Variants in CASP8 observed in about 807,000 individuals in gnomAD.
The protein encoded by CASP8 is caspase-8.
A neutral mutation model predicts 46.3 loss-of-function variants in CASP8; 24 were observed. The observed-to-expected ratio is 0.52, with a 90% CI of 0.38 to 0.73. CASP8 has a LOEUF of 0.73. CASP8 is among the 30% of genes least tolerant of loss of function. The pLI, the probability that CASP8 is intolerant of heterozygous loss-of-function variation, is 0.00. For synonymous variants in CASP8, 188 were observed against 200.4 expected, an observed-to-expected ratio of 0.94 and a Z score of 0.52; for missense variants, 460 against 559.0, an observed-to-expected ratio of 0.82 and a Z score of 1.79.
At chr2:201,274,777 T>G in intron 5 of CASP8, 112 bp from the exon 6 acceptor site, 28 of 879,892 alleles carry the variant, frequency 3.2e-5, no homozygotes, top group Non-Finnish European at 5.0e-5. Flanking sequence ...GTTCCCAGCT[T>G]GAATTTTCAT....
At position 201,285,132 on chromosome 2, in the gene CASP8, T is replaced by C. The variant is rs1426964048; in HGVS notation, c.1119T>C (p.Thr373=). The change falls in exon 8 of 9, where the codon ACT becomes ACC. Residue 373 remains threonine (T), a synonymous_variant. Transcript: ENST00000673742. The part of the protein sequence containing the change: ...DNYQKGIPVE[T]DSEEQPYLEM... ...ACCAGAAAGGTATACCTGTTGAGACTGATTCAGAGGAGCAACCCTATTTAG... is the reference window on the plus strand; with the variant it reads ...ACCAGAAAGGTATACCTGTTGAGACCGATTCAGAGGAGCAACCCTATTTAG... 2 of 1,614,116 alleles carry C rather than the reference T, an allele frequency of 1.2e-6. No homozygotes were observed. The highest frequency in any genetic ancestry group is 1.7e-6 in the Non-Finnish European group (2 of 1,180,052).
intron 2 of CASP8, among the ~76,000 whole-genome samples, chr2:201,268,551 CA>C (rs199733736): frequency 2.2e-4 from 31 of 143,054 alleles, no homozygotes; most frequent in East Asian, 4.0e-4. Flanking sequence ...AACTCTGTCT[CA>C]AAAAAAAAAA....
At position 201,276,926 on chromosome 2, in the gene CASP8, C is replaced by A; in HGVS notation, c.760C>A (p.Leu254Ile). 6.2e-7 allele frequency: 1 copy of A among 1,614,012 alleles called. No individual in the cohort carries two copies. Among genetic ancestry groups the A allele is most frequent in the Non-Finnish European group, 8.5e-7 (1 of 1,179,896 alleles). ...FAKAREKVPK[L>I]HSIRDRNGTH... ...AAAAGCACGGGAGAAAGTGCCCAAA[C>A]TTCACAGCATTAGGGACAGGAATGG... Residue 254 changes from leucine (L) to isoleucine (I), a missense_variant, in exon 7 of 9, where the codon CTT becomes ATT. Leu to Ile is a conservative substitution (Grantham distance 5). Transcript: ENST00000673742.
chr2:201,235,054 G>T (rs1477673936), intron 2 of CASP8, among the ~76,000 whole-genome samples: 2 of 152,106 alleles, frequency 1.3e-5, no homozygotes, highest in African/African-American at 4.8e-5. Flanking sequence ...ATGTTATTTA[G>T]GTCAAGGTTA....
chr2:201,262,167 G>A (rs1947466221), intron 1 of CASP8: 1 of 152,084 alleles, frequency 6.6e-6, no homozygotes, highest in African/African-American at 2.4e-5. Flanking sequence ...TGTCACTGAA[G>A]CCCTTGAGTG....
At chr2:201,258,523 G>C, upstream of CASP8, 1 of 956,704 alleles carries the variant, frequency 1.0e-6, no homozygotes, top group East Asian at 2.6e-5. Flanking sequence ...GTGCTGCCTG[G>C]CCCAGGTCTC....
chr2:201,245,587 C>T (rs1302512519), intron 2 of CASP8, among the ~76,000 whole-genome samples: 1 of 152,164 alleles, frequency 6.6e-6, no homozygotes, highest in African/African-American at 2.4e-5. Context: ...AGCTAGAAAT[C>T]TGAGTCTGGT....
rs1033101323 is a variant in CASP8 at position 201,247,144 on chromosome 2, A to G, written c.-27+13032A>G. Among the ~76,000 whole-genome samples, 10 of 147,610 alleles carry G rather than the reference A, an allele frequency of 6.8e-5. No individual in the cohort carries two copies. In the East Asian group the frequency reaches 2.0e-3, roughly 29 times the overall value. ...GTGGAGGTTGCAGTGAACCAAGATC[A>G]CACCACTGCACTCCAGGCTGGGCGG... On this transcript the variant is annotated intron_variant, in intron 2 of 6. Transcript: ENST00000264274.
At chr2:201,279,791 A>G (rs1948882961) in intron 7 of CASP8, among the ~76,000 whole-genome samples, 1 of 152,150 alleles carries the variant, frequency 6.6e-6, no homozygotes, top group Non-Finnish European at 1.5e-5. Flanking sequence ...CATCTCTACT[A>G]AAAATACAAA....
At chr2:201,252,906 A>G (rs1331484061) in intron 2 of CASP8, among the ~76,000 whole-genome samples, 1 of 152,210 alleles carries the variant, frequency 6.6e-6, no homozygotes, top group East Asian at 1.9e-4. Context: ...GGGGGAAAAA[A>G]AAGGAATTTT....
Position 201,282,143 on chromosome 2 carries a change from C to G in CASP8, c.803-2673C>G, listed in dbSNP as rs371778626. Reference sequence around the variant, plus strand: ...ATTAGGGAGTGGTGATGACTCTTAACGAGCATGCTGCCTTCAAGCATCTGT... The same window carrying G: ...ATTAGGGAGTGGTGATGACTCTTAAGGAGCATGCTGCCTTCAAGCATCTGT... On this transcript the variant is annotated intron_variant, in intron 7 of 8. Transcript: ENST00000673742. Among the ~76,000 whole-genome samples, 297 of 56,968 alleles carry G rather than the reference C, an allele frequency of 5.2e-3. 18 individuals carry two copies. The highest frequency in any genetic ancestry group is 8.4e-3 in the Non-Finnish European group (212 of 25,384). 37.4% of individuals were successfully genotyped at this position (56,968 alleles called of 152,430 possible).
At position 201,272,453 on chromosome 2, in the gene CASP8, G is replaced by A. The variant is rs1288911447; in HGVS notation, c.412-185G>A. 6.6e-6 allele frequency among the ~76,000 whole-genome samples: 1 copy of A among 152,066 alleles called. No individual in the cohort carries two copies. Among genetic ancestry groups the A allele is most frequent in the Non-Finnish European group, 1.5e-5 (1 of 68,024 alleles). ...TATCCTCTCACTTCTGTCTTTCTGGGCCAGAAAACATGGAATCGCTTCCCT... is the reference window on the plus strand; with the variant it reads ...TATCCTCTCACTTCTGTCTTTCTGGACCAGAAAACATGGAATCGCTTCCCT... On this transcript the variant is annotated intron_variant, in intron 3 of 8. Coordinates refer to ENST00000673742, the MANE Select transcript of CASP8 (RefSeq NM_001372051.1). This position sits in a 1 kb window ranked among gnomAD's most constrained non-coding sequence, Gnocchi z 4.4.
chr2:201,271,723 T>G (rs1167900448), intron 3 of CASP8, 102 bp downstream of exon 3: 1 of 750,672 alleles, frequency 1.3e-6, no homozygotes, highest in Non-Finnish European at 2.4e-6. Flanking sequence ...GCAACCTGGA[T>G]TCTCACTTTT....
chr2:201,258,015 G>C (rs150945202), upstream of CASP8: 213 of 563,276 alleles, frequency 3.8e-4, 1 homozygote, highest in African/African-American at 3.5e-3. Flanking sequence ...CTTTAAACAG[G>C]AAACATTTCT....
At chr2:201,250,507 G>A (rs1204408701) in intron 2 of CASP8, among the ~76,000 whole-genome samples, 2 of 152,218 alleles carry the variant, frequency 1.3e-5, no homozygotes. Context: ...CATCTCATGT[G>A]GCTAGAGCAG....
chr2:201,242,689 C>T (rs762043482), intron 2 of CASP8: 2 of 151,910 alleles, frequency 1.3e-5, no homozygotes, highest in African/African-American at 2.4e-5. Flanking sequence ...CAGAAAAAAA[C>T]CTCTGAAGTA....
intron 7 of CASP8, among the ~76,000 whole-genome samples, chr2:201,278,858 T>C (rs1308567188): frequency 1.3e-5 from 2 of 152,170 alleles, no homozygotes; most frequent in East Asian, 1.9e-4. Context: ...TGATGACTTA[T>C]GTTTAGCTCT....
chr2:201,284,245 A>G (rs1338709729), intron 7 of CASP8, among the ~76,000 whole-genome samples: 4 of 41,504 alleles, frequency 9.6e-5, no homozygotes, highest in East Asian at 7.7e-4. Flanking sequence ...TGGGTGGCCA[A>G]GCAGAGACGC....
rs1419011144 is a variant in CASP8 at position 201,285,180 on chromosome 2, A to G, written c.1167A>G (p.Gln389=). 6.2e-7 allele frequency: 1 copy of G among 1,614,192 alleles called. No individual in the cohort carries two copies. Among genetic ancestry groups the G allele is most frequent in the East Asian group, 2.2e-5 (1 of 44,878 alleles). ...PYLEMDLSSP[Q]TRYIPDEADF... is the part of the protein sequence containing the mutation. The stretch of plus-strand genomic sequence containing the variant: ...TAGAAATGGATTTATCATCACCTCA[A>G]ACGAGATATATCCCGGATGAGGCTG... Residue 389 remains glutamine (Q), a synonymous_variant, in exon 8 of 9, where the codon CAA becomes CAG. Coordinates refer to ENST00000673742, the MANE Select transcript of CASP8 (RefSeq NM_001372051.1).
Sources: gnomAD v4.1 joint callset for allele counts (sites outside exome capture counted in the v4.1 genomes callset) on GRCh38, gnomAD v4.1.1 for gene constraint, Gnocchi (gnomAD v3.1) non-coding constraint, MANE v1.5 for transcripts, NCBI Gene and HGNC (gene_info 2026-07-23, HGNC 2026-07-21) for gene names.